PLSCR2: variants seen among roughly 807,000 people sequenced by gnomAD.
The protein encoded by PLSCR2 is phospholipid scramblase 2.
Under a neutral mutation model 25.3 loss-of-function variants are expected in PLSCR2, and 18 were observed. The ratio of observed to expected loss-of-function variants is 0.71; its 90% confidence interval spans 0.49 to 1.06. The LOEUF is 1.06. Among genes scored for constraint, PLSCR2 ranks in the 50% least tolerant of loss-of-function variants. PLSCR2 has a pLI of 0.00. For synonymous variants in PLSCR2, 88 were observed against 87.3 expected (o/e 1.01, Z -0.04); for missense variants, 243 against 269.5 (o/e 0.90, Z 0.69).
At chr3:146,457,160 A>C (rs2041264957) in intron 3 of PLSCR2, among the ~76,000 whole-genome samples, 1 of 152,242 alleles carries the variant, frequency 6.6e-6, no homozygotes, top group Non-Finnish European at 1.5e-5. Flanking sequence ...GTATATGTTA[A>C]TGAAATTCAT....
At chr3:146,459,551 A>G (rs2041431755) in intron 2 of PLSCR2, among the ~76,000 whole-genome samples, 2 of 152,210 alleles carry the variant, frequency 1.3e-5, no homozygotes, top group East Asian at 1.9e-4. Context: ...TACATGTATT[A>G]TGCTTAGAAC....
chr3:146,439,791 C>T (rs1049628213), downstream of PLSCR2, among the ~76,000 whole-genome samples: 2 of 152,196 alleles, frequency 1.3e-5, no homozygotes, highest in Non-Finnish European at 1.5e-5. Context: ...AGTCATTCCC[C>T]GTCCAGCTTT....
At chr3:146,419,030 G>A (rs1317744775) in intron 2 of PLSCR2, among the ~76,000 whole-genome samples, 1 of 152,034 alleles carries the variant, frequency 6.6e-6, no homozygotes. Flanking sequence ...TTAGTGTCTT[G>A]TGCAATCTGG....
intron 1 of PLSCR2, among the ~76,000 whole-genome samples, chr3:146,466,940 A>G (rs2041898486): frequency 6.6e-6 from 1 of 152,198 alleles, no homozygotes; most frequent in Non-Finnish European, 1.5e-5. Context: ...CTTGAATTTC[A>G]ATTTAGTCTC....
chr3:146,483,476 T>TAC (rs1458057905), intron 1 of PLSCR2, among the ~76,000 whole-genome samples: 2 of 39,912 alleles, frequency 5.0e-5, no homozygotes, highest in African/African-American at 1.3e-4. Flanking sequence ...TATATATACA[T>TAC]GTGTATATAT....
intron 3 of PLSCR2, among the ~76,000 whole-genome samples, chr3:146,393,222 GT>G (rs1424944895): frequency 6.6e-6 from 1 of 150,926 alleles, no homozygotes; most frequent in Admixed American, 6.6e-5. Flanking sequence ...CAGAGACAGG[GT>G]TTCACCGTGT....
At chr3:146,435,780 G>T (rs1234400561) in intron 8 of PLSCR2, among the ~76,000 whole-genome samples, 5 of 152,120 alleles carry the variant, frequency 3.3e-5, no homozygotes, top group African/African-American at 1.2e-4. Flanking sequence ...AGTTTAATTA[G>T]ATCCCATTTG....
At chr3:146,455,480 A>G (rs2041160774) in intron 3 of PLSCR2, 21 bp from the exon 4 acceptor site, 1 of 1,444,286 alleles carries the variant, frequency 6.9e-7, no homozygotes, top group African/African-American at 1.4e-5. Context: ...AAATAAAATC[A>G]GTTGCCTTTA....
chr3:146,483,153 A>G (rs1223901621), intron 1 of PLSCR2, among the ~76,000 whole-genome samples: 2 of 151,700 alleles, frequency 1.3e-5, no homozygotes, highest in African/African-American at 2.4e-5. Context: ...ACAAAGGGCT[A>G]ATATCCAGAA....
chr3:146,490,952 T>C (rs1467501730), intron 1 of PLSCR2, among the ~76,000 whole-genome samples: 1 of 152,134 alleles, frequency 6.6e-6, no homozygotes, highest in African/African-American at 2.4e-5. Flanking sequence ...CAGTGGGCTA[T>C]GCACTTAAGT....
At chr3:146,457,969 T>C (rs1459993534) in intron 3 of PLSCR2, among the ~76,000 whole-genome samples, 1 of 152,188 alleles carries the variant, frequency 6.6e-6, no homozygotes, top group Admixed American at 6.5e-5. Context: ...TGATATAAAA[T>C]GGCGTGGTGT....
chr3:146,412,939 T>G (rs1448806380), intron 2 of PLSCR2, among the ~76,000 whole-genome samples: 1 of 152,184 alleles, frequency 6.6e-6, no homozygotes, highest in African/African-American at 2.4e-5. Flanking sequence ...TGTGAACTAC[T>G]GATTAGAACT....
At chr3:146,493,530 C>T (rs1049505629) in intron 1 of PLSCR2, among the ~76,000 whole-genome samples, 18 of 152,084 alleles carry the variant, frequency 1.2e-4, no homozygotes, top group Admixed American at 2.0e-4. Flanking sequence ...AGAACAAAAA[C>T]CACATGATCA....
At chr3:146,441,908 A>AGATT in intron 6 of PLSCR2, 87 bp from the exon 7 acceptor site, 1 of 798,286 alleles carries the variant, frequency 1.3e-6, no homozygotes, top group Admixed American at 2.4e-5. Flanking sequence ...GATGAAACAC[A>AGATT]GTTAATTGTC....
upstream of PLSCR2, among the ~76,000 whole-genome samples, chr3:146,465,204 C>G (rs371524923): frequency 2.2e-4 from 34 of 152,288 alleles, no homozygotes; most frequent in East Asian, 1.5e-3. Context: ...CATTCCTGCT[C>G]AAGGTACCTT....
chr3:146,453,350 A>AACC (rs2041010435), intron 5 of PLSCR2, among the ~76,000 whole-genome samples: 1 of 152,114 alleles, frequency 6.6e-6, no homozygotes, highest in African/African-American at 2.4e-5. Context: ...TTAAGTTATA[A>AACC]AACCTTCTGA....
intron 6 of PLSCR2, among the ~76,000 whole-genome samples, chr3:146,445,134 G>C (rs1051133815): frequency 6.6e-6 from 1 of 152,018 alleles, no homozygotes; most frequent in Non-Finnish European, 1.5e-5. Flanking sequence ...AAGAGTTGTT[G>C]CAGTTTTTAT....
intron 1 of PLSCR2, among the ~76,000 whole-genome samples, chr3:146,473,353 G>A (rs1032782437): frequency 1.4e-4 from 20 of 144,764 alleles, no homozygotes; most frequent in African/African-American, 4.6e-4. Flanking sequence ...CGCCCAGGCT[G>A]GAGTGCAATG....
chr3:146,459,914 C>T (rs889114515), exon 2 of PLSCR2: 1 of 1,613,890 alleles, frequency 6.2e-7, no homozygotes, highest in African/African-American at 1.3e-5. Flanking sequence ...TCCATGGTAC[C>T]CCTTCAGGTC....
Sources: allele counts gnomAD v4.1 joint callset (sites outside exome capture counted in the v4.1 genomes callset), GRCh38; gene constraint gnomAD v4.1.1; transcripts MANE v1.5; gene names NCBI Gene and HGNC (gene_info 2026-07-23, HGNC 2026-07-21).